SDC3: variants seen among roughly 807,000 people sequenced by gnomAD.
SDC3 encodes the protein syndecan 3.
A neutral mutation model predicts 24.4 loss-of-function variants in SDC3; 13 were observed. That is an observed-to-expected ratio of 0.53 (90% confidence interval 0.35 to 0.85). SDC3 has a LOEUF of 0.85. Among genes scored for constraint, SDC3 ranks in the 40% least tolerant of loss-of-function variants. The pLI, the probability that SDC3 is intolerant of heterozygous loss-of-function variation, is 0.01. For missense variants in SDC3, 571 were observed against 584.5 expected (o/e 0.98, Z 0.24); for synonymous variants, 295 against 260.9 (o/e 1.13, Z -1.26).
chr1:30,899,172 C>T (rs375317486), intron 1 of SDC3, among the ~76,000 whole-genome samples: 3 of 152,196 alleles, frequency 2.0e-5, no homozygotes, highest in East Asian at 3.8e-4. Flanking sequence ...CTGCAACCTC[C>T]ACCTCCCAGG....
chr1:30,873,626 A>C (rs1639581065), intron 4 of SDC3, among the ~76,000 whole-genome samples: 1 of 152,038 alleles, frequency 6.6e-6, no homozygotes, highest in Non-Finnish European at 1.5e-5. Flanking sequence ...GGGTCATCTG[A>C]GGGCTTCATC....
At chr1:30,874,908 C>T (rs1210465153) in intron 3 of SDC3, among the ~76,000 whole-genome samples, 1 of 152,350 alleles carries the variant, frequency 6.6e-6, no homozygotes, top group East Asian at 1.9e-4. Context: ...TCCTGTCCCC[C>T]TCATGTCCCC....
chr1:30,884,857 C>T (rs941537944), intron 1 of SDC3, among the ~76,000 whole-genome samples: 3 of 152,112 alleles, frequency 2.0e-5, no homozygotes, highest in Non-Finnish European at 2.9e-5. Context: ...ACATACTGAA[C>T]GACAGGGGAC....
At position 30,873,093 on chromosome 1, in the gene SDC3, G is replaced by A; in HGVS notation, c.*118C>T. The stretch of plus-strand genomic sequence containing the variant: ...CAGCCTGGGCAGACCTTGGGAGAGA[G>A]GGCAGAGAAGAACTGGGGCCAGGTT... On this transcript the variant is annotated 3_prime_UTR_variant, in exon 5 of 5. Transcript: ENST00000339394. 1 of 751,548 alleles carries A rather than the reference G, an allele frequency of 1.3e-6. No individual in the cohort carries two copies. 46.6% of individuals were successfully genotyped at this position (751,548 alleles called of 1,614,324 possible).
chr1:30,888,678 T>C (rs1639865203), intron 1 of SDC3, among the ~76,000 whole-genome samples: 1 of 152,302 alleles, frequency 6.6e-6, no homozygotes, highest in South Asian at 2.1e-4. Flanking sequence ...ACCCTCCTGT[T>C]TGCTGGGTTA....
At chr1:30,895,395 C>T (rs1004385676) in intron 1 of SDC3, among the ~76,000 whole-genome samples, 1 of 152,224 alleles carries the variant, frequency 6.6e-6, no homozygotes, top group Non-Finnish European at 1.5e-5. Context: ...CCACAAGCCC[C>T]CCAGCTCCGC....
At position 30,876,738 on chromosome 1, in the gene SDC3, C is replaced by G. The variant is rs1220582992; in HGVS notation, c.684G>C (p.Glu228Asp). Residue 228 changes from glutamate to aspartate, a missense_variant, in exon 3 of 5, where the codon GAG becomes GAC. By Grantham distance (45) the Glu-to-Asp change is conservative (BLOSUM62 2). Coordinates refer to ENST00000339394, the MANE Select transcript of SDC3 (RefSeq NM_014654.4). ...TVATARATTPEAPSPPTTAAV... is the reference protein window; with the variant it reads ...TVATARATTPDAPSPPTTAAV... ...CCGCCGTGGTGGGCGGGGAGGGCGC[C>G]TCGGGGGTAGTGGCCCGTGCCGTAG... 3 of 1,590,232 alleles carry G rather than the reference C, an allele frequency of 1.9e-6. No homozygotes were observed. In the Admixed American group the frequency reaches 5.3e-5, roughly 28 times the overall value.
At chr1:30,890,355 T>C (rs1570013474) in intron 1 of SDC3, among the ~76,000 whole-genome samples, 1 of 152,198 alleles carries the variant, frequency 6.6e-6, no homozygotes, top group African/African-American at 2.4e-5. Context: ...TGGATGAACC[T>C]TGAAACCATT....
intron 1 of SDC3, among the ~76,000 whole-genome samples, chr1:30,897,595 C>A (rs1265721585): frequency 1.3e-5 from 2 of 152,210 alleles, no homozygotes; most frequent in African/African-American, 4.8e-5. Flanking sequence ...AGGTACCCAG[C>A]AAGGCCTGAT....
Position 30,876,901 on chromosome 1 carries a change from G to A in SDC3, c.521C>T (p.Pro174Leu), listed in dbSNP as rs1022263546. 2.1e-5 allele frequency: 34 copies of A among 1,613,860 alleles called. No individual in the cohort carries two copies. Among genetic ancestry groups the A allele is most frequent in the East Asian group, 4.5e-5 (2 of 44,880 alleles). ...TGTGGCAGGCACTGTGGCCACAGTCGGGTCCCCTGTGCTTGTGGCAGCAGT... is the reference window on the plus strand; with the variant it reads ...TGTGGCAGGCACTGTGGCCACAGTCAGGTCCCCTGTGCTTGTGGCAGCAGT... ...ATTAATSTGD[P>L]TVATVPATVA... The change falls in exon 3 of 5, where the codon CCG becomes CTG. Residue 174 changes from proline to leucine, a missense_variant. Coordinates refer to ENST00000339394, the MANE Select transcript of SDC3 (RefSeq NM_014654.4).
intron 1 of SDC3, among the ~76,000 whole-genome samples, chr1:30,894,720 T>C (rs907610425): frequency 2.7e-5 from 4 of 148,382 alleles, no homozygotes; most frequent in Admixed American, 1.3e-4. Context: ...GTGTGGGGAG[T>C]GTGTGTGTGT....
Position 30,869,962 on chromosome 1 carries a change from C to A in SDC3, c.*3249G>T. The A allele has an allele frequency of 2.5e-6, 1 of 398,466 alleles. No individual in the cohort carries two copies. Among genetic ancestry groups the A allele is most frequent in the South Asian group, 1.3e-4 (1 of 7,710 alleles). 24.7% of individuals were successfully genotyped at this position (398,466 alleles called of 1,614,324 possible). ...GGCCATCGGCTCTCAGATGGCAACT[C>A]CCAGGGCCCAGTCTCGATGCCTCTG... On this transcript the variant is annotated 3_prime_UTR_variant, in exon 5 of 5. Coordinates refer to ENST00000339394, the MANE Select transcript of SDC3 (RefSeq NM_014654.4).
rs937510347 is a variant in SDC3 at position 30,873,133 on chromosome 1, A to G, written c.*78T>C. 9.3e-7 allele frequency: 1 copy of G among 1,078,862 alleles called. No individual in the cohort carries two copies. The highest frequency in any genetic ancestry group is 1.4e-6 in the Non-Finnish European group (1 of 709,586). The allele number at this position is 1,078,862 out of a possible 1,614,324, so 66.8% of individuals were successfully genotyped here. A position where few individuals can be genotyped will look rare whatever the true frequency, so the allele number is the denominator to read the frequency against. ...GGGGCCAGGTTCCAGGCCCAGTCCCAGGCTTGGGCTGGTGGGGCCAGGCTG... is the reference window on the plus strand; with the variant it reads ...GGGGCCAGGTTCCAGGCCCAGTCCCGGGCTTGGGCTGGTGGGGCCAGGCTG... On this transcript the variant is annotated 3_prime_UTR_variant, in exon 5 of 5. Coordinates refer to ENST00000339394, the MANE Select transcript of SDC3 (RefSeq NM_014654.4).
Position 30,877,072 on chromosome 1 carries a change from G to C in SDC3, c.350C>G (p.Thr117Arg). 6.2e-7 allele frequency: 1 copy of C among 1,613,958 alleles called. No homozygotes were observed. Among genetic ancestry groups the C allele is most frequent in the South Asian group, 1.1e-5 (1 of 91,064 alleles). ...TGGTGTGCCCACAGGCTGGATGTTC[G>C]TGGTGGGCAGCACCGCAGGTGTGGT... ...VSTTPAVLPT[T>R]NIQPVGTPFE... is the part of the protein sequence containing the mutation. The change falls in exon 3 of 5, where the codon ACG becomes AGG. Residue 117 changes from threonine (T) to arginine (R), a missense_variant. Thr to Arg is a moderately conservative substitution (Grantham distance 71). Around this residue, in one of 2 missense-constraint regions of SDC3, gnomAD observed 497 missense variants for 471.6 expected, o/e 1.05. Transcript: ENST00000339394.
chr1:30,873,993 G>A (rs1251018977), intron 4 of SDC3, among the ~76,000 whole-genome samples: 1 of 152,050 alleles, frequency 6.6e-6, no homozygotes, highest in Non-Finnish European at 1.5e-5. Flanking sequence ...GGTCCCAGGG[G>A]GTCAGCCAGT....
chr1:30,883,763 G>A (rs949045621), intron 1 of SDC3, among the ~76,000 whole-genome samples: 1 of 152,136 alleles, frequency 6.6e-6, no homozygotes, highest in Non-Finnish European at 1.5e-5. Context: ...TGCTTATCAC[G>A]AAAGGAGGGG....
Position 30,878,669 on chromosome 1 carries a change from A to C in SDC3, c.210T>G (p.Phe70Leu). ...AGAGGTCATCCAGTTCATCATCGGGAAAGGAGTCATCATCCCCAGAGCCCT... is the reference window on the plus strand; with the variant it reads ...AGAGGTCATCCAGTTCATCATCGGGCAAGGAGTCATCATCCCCAGAGCCCT... ...DLEGSGDDDS[F>L]PDDELDDLYS... is the part of the protein sequence containing the mutation. Residue 70 changes from phenylalanine to leucine, a missense_variant, in exon 2 of 5, where the codon TTT (phenylalanine) becomes TTG (leucine). Physicochemically the swap from Phe to Leu is conservative, Grantham distance 22. Around this residue, in one of 2 missense-constraint regions of SDC3, gnomAD observed 497 missense variants for 471.6 expected, o/e 1.05. Coordinates refer to ENST00000339394, the MANE Select transcript of SDC3 (RefSeq NM_014654.4). 6.2e-7 allele frequency: 1 copy of C among 1,614,142 alleles called. No individual in the cohort carries two copies. The highest frequency in any genetic ancestry group is 8.5e-7 in the Non-Finnish European group (1 of 1,179,994).
intron 2 of SDC3, 120 bp downstream of exon 2, chr1:30,878,503 G>A: frequency 1.3e-6 from 1 of 742,482 alleles, no homozygotes; most frequent in South Asian, 1.7e-5. Context: ...GAACTTGCCT[G>A]ACCCAGGCAG....
intron 1 of SDC3, among the ~76,000 whole-genome samples, chr1:30,886,302 C>A (rs1483796210): frequency 6.6e-6 from 1 of 152,156 alleles, no homozygotes; most frequent in Non-Finnish European, 1.5e-5. Flanking sequence ...ATCCTAGGCA[C>A]TAGATATGTC....
Sources: allele counts gnomAD v4.1 joint callset (sites outside exome capture counted in the v4.1 genomes callset), GRCh38; gene constraint gnomAD v4.1.1; regional missense constraint gnomAD v4.1.1; transcripts MANE v1.5; gene names NCBI Gene and HGNC (gene_info 2026-07-23, HGNC 2026-07-21).